Variants in VPS13B observed in about 807,000 individuals in gnomAD.
VPS13B encodes vacuolar protein sorting 13 homolog B.
A neutral mutation model predicts 426.4 loss-of-function variants in VPS13B; 285 were observed. The ratio of observed to expected loss-of-function variants is 0.67; its 90% CI spans 0.61 to 0.74. The LOEUF is 0.74. VPS13B is among the 30% of genes least tolerant of loss of function. VPS13B has a pLI of 0.00. For missense variants in VPS13B, 4,537 were observed against 4,782.6 expected (o/e 0.95, Z 1.51); for synonymous variants, 1,676 against 1,676.4 (o/e 1.00, Z 0.01).
intron 35 of VPS13B, among the ~76,000 whole-genome samples, chr8:99,681,299 G>C (rs894618749): frequency 1.3e-5 from 2 of 152,046 alleles, no homozygotes; most frequent in Admixed American, 1.3e-4. Context: ...CTGCTTTTTT[G>C]GTTCTTGGCC....
At chr8:99,209,387 T>C (rs1211178561) in intron 17 of VPS13B, among the ~76,000 whole-genome samples, 1 of 152,106 alleles carries the variant, frequency 6.6e-6, no homozygotes, top group Non-Finnish European at 1.5e-5. Flanking sequence ...GTATAATTTA[T>C]ATTGGACTTT....
At chr8:99,406,973 T>C (rs1815368540) in intron 21 of VPS13B, among the ~76,000 whole-genome samples, 1 of 152,174 alleles carries the variant, frequency 6.6e-6, no homozygotes, top group South Asian at 2.1e-4. Context: ...AAAGAGTCTT[T>C]AGTGGAAACA....
At chr8:99,425,556 G>C (rs1186025935) in intron 21 of VPS13B, among the ~76,000 whole-genome samples, 2 of 152,020 alleles carry the variant, frequency 1.3e-5, no homozygotes, top group African/African-American at 2.4e-5. Context: ...GGTATTCATG[G>C]GATGTATCTC....
chr8:99,342,831 A>G (rs1811325127), intron 19 of VPS13B, among the ~76,000 whole-genome samples: 1 of 114,170 alleles, frequency 8.8e-6, no homozygotes, highest in African/African-American at 3.2e-5. Flanking sequence ...ACCGTTTTCC[A>G]TAATGGCTGT....
intron 5 of VPS13B, 83 bp from the exon 6 acceptor site, chr8:99,111,015 A>G: frequency 9.6e-7 from 1 of 1,038,818 alleles, no homozygotes; most frequent in Non-Finnish European, 1.4e-6. Flanking sequence ...TATTAATTTT[A>G]TTACTATTTA....
chr8:99,369,467 G>A (rs979470787), intron 19 of VPS13B, among the ~76,000 whole-genome samples: 1 of 152,164 alleles, frequency 6.6e-6, no homozygotes, highest in African/African-American at 2.4e-5. Flanking sequence ...TGATTGTGAG[G>A]CAGTGGGCAC....
intron 19 of VPS13B, among the ~76,000 whole-genome samples, chr8:99,297,128 A>C (rs1268556130): frequency 6.6e-6 from 1 of 152,144 alleles, no homozygotes; most frequent in Admixed American, 6.6e-5. Flanking sequence ...AAATGAAAGT[A>C]AGGTTTTTAT....
intron 3 of VPS13B, among the ~76,000 whole-genome samples, chr8:99,054,329 G>A (rs769060233): frequency 2.2e-4 from 34 of 152,142 alleles, no homozygotes; most frequent in East Asian, 1.9e-4. Flanking sequence ...CATCTTCACC[G>A]ACACTTATTT....
In VPS13B at chr8:99,170,175, A is replaced by T. The variant is rs373498932; in HGVS notation, c.2333+12A>T. 150 of 1,611,646 alleles carry T rather than the reference A, an allele frequency of 9.3e-5. 1 individual carries two copies. Among genetic ancestry groups the T allele is most frequent in the Middle Eastern group, 4.9e-4 (3 of 6,070 alleles). On this transcript the variant is annotated intron_variant, in intron 16 of 61. Coordinates refer to ENST00000357162, the MANE Select transcript of VPS13B (RefSeq NM_152564.5). The stretch of plus-strand genomic sequence containing the variant: ...CTCCCCACATGCTGGTAAGTCTTAC[A>T]TGTTAAAATGTGATTTATGTTAATT...
At chr8:99,727,877 G>A (rs1833415094) in intron 39 of VPS13B, among the ~76,000 whole-genome samples, 2 of 152,230 alleles carry the variant, frequency 1.3e-5, no homozygotes, top group Admixed American at 1.3e-4. Flanking sequence ...CAAAGAAATG[G>A]TGCCTAAGAG....
At chr8:99,385,668 C>A (rs1236016406) in intron 20 of VPS13B, among the ~76,000 whole-genome samples, 1 of 152,036 alleles carries the variant, frequency 6.6e-6, no homozygotes, top group Non-Finnish European at 1.5e-5. Context: ...ATAGTAATGC[C>A]ATTTTTAGTA....
At chr8:99,147,751 T>G (rs1810815989) in intron 13 of VPS13B, 90 bp from the exon 14 acceptor site, 1 of 861,632 alleles carries the variant, frequency 1.2e-6, no homozygotes, top group Non-Finnish European at 1.6e-6. Flanking sequence ...GGATTTGACC[T>G]TATAGTTTGG....
At chr8:99,275,981 T>C (rs1214582147) in intron 19 of VPS13B, among the ~76,000 whole-genome samples, 1 of 152,184 alleles carries the variant, frequency 6.6e-6, no homozygotes, top group Non-Finnish European at 1.5e-5. Flanking sequence ...ATTTTCTCTC[T>C]AGAAGTAACT....
intron 7 of VPS13B, among the ~76,000 whole-genome samples, chr8:99,117,397 G>A (rs1161237504): frequency 1.3e-5 from 2 of 152,100 alleles, no homozygotes; most frequent in Admixed American, 6.6e-5. Context: ...TCTTCAAAAC[G>A]TGAAACATAG....
intron 2 of VPS13B, among the ~76,000 whole-genome samples, chr8:99,023,231 A>T (rs1841984062): frequency 1.3e-5 from 2 of 151,358 alleles, no homozygotes; most frequent in South Asian, 4.2e-4. Context: ...GTTAATAAAC[A>T]TCTTCCTAGT....
At chr8:99,385,276 A>T (rs1814052949) in intron 20 of VPS13B, among the ~76,000 whole-genome samples, 1 of 152,194 alleles carries the variant, frequency 6.6e-6, no homozygotes, top group Non-Finnish European at 1.5e-5. Context: ...AGAATTTTTG[A>T]GGCCAAATTC....
At chr8:99,400,188 G>C (rs1814958284) in intron 21 of VPS13B, among the ~76,000 whole-genome samples, 1 of 152,076 alleles carries the variant, frequency 6.6e-6, no homozygotes, top group Non-Finnish European at 1.5e-5. Context: ...GGAGTTATTT[G>C]ACTTCCATTA....
At chr8:99,760,525 C>A (rs903450640) in intron 39 of VPS13B, among the ~76,000 whole-genome samples, 1 of 151,628 alleles carries the variant, frequency 6.6e-6, no homozygotes, top group Non-Finnish European at 1.5e-5. Flanking sequence ...GGATTTTATC[C>A]GAAGTGTGAC....
intron 17 of VPS13B, among the ~76,000 whole-genome samples, chr8:99,269,041 G>T (rs1403336535): frequency 6.6e-6 from 1 of 152,076 alleles, no homozygotes; most frequent in Admixed American, 6.6e-5. Flanking sequence ...TTGTGAAGAA[G>T]GACGTGTTTG....
Sources: gnomAD v4.1 joint callset for allele counts (sites outside exome capture counted in the v4.1 genomes callset) on GRCh38, gnomAD v4.1.1 for gene constraint, MANE v1.5 for transcripts, NCBI Gene and HGNC (gene_info 2026-07-23, HGNC 2026-07-21) for gene names.